CMTM4: variants seen among roughly 807,000 people sequenced by gnomAD.
The protein encoded by CMTM4 is CKLF like MARVEL transmembrane domain containing 4, also known as CKLF-like MARVEL transmembrane domain-containing protein 4.
CMTM4 carries 8 observed loss-of-function variants against 19.0 expected under a neutral mutation model. The ratio of observed to expected loss-of-function variants is 0.42; its 90% CI spans 0.25 to 0.76. The LOEUF (loss-of-function observed/expected upper bound fraction) is 0.76. Among genes scored for constraint, CMTM4 ranks in the 30% least tolerant of loss-of-function variants. The pLI is 0.27. For missense variants in CMTM4, 228 were observed against 290.2 expected (o/e 0.79, Z 1.56); for synonymous variants, 106 against 121.1 (o/e 0.88, Z 0.82).
intron 1 of CMTM4, among the ~76,000 whole-genome samples, chr16:66,659,190 G>A (rs1206331589): frequency 6.6e-6 from 1 of 151,956 alleles, no homozygotes; most frequent in Non-Finnish European, 1.5e-5. Flanking sequence ...GACCAGCCTG[G>A]CCAATATTGC....
chr16:66,619,146 T>A lies in CMTM4; in HGVS notation c.*2912A>T, dbSNP rs2144774589. On this transcript the variant is annotated 3_prime_UTR_variant, in exon 4 of 4. Transcript: ENST00000394106. Reference sequence around the variant, plus strand: ...TATCTCCAGCCTTTCATGACTGTAATCCCTCTTTAAGGCAGGGAAAACATA... The same window carrying A: ...TATCTCCAGCCTTTCATGACTGTAAACCCTCTTTAAGGCAGGGAAAACATA... 1 of 985,464 alleles carries A rather than the reference T, an allele frequency of 1.0e-6. No homozygotes were observed. The highest frequency in any genetic ancestry group is 1.1e-4 in the East Asian group (1 of 8,822). The allele number at this position is 985,464 out of a possible 1,614,324, so 61.0% of individuals were successfully genotyped here. A position where few individuals can be genotyped will look rare whatever the true frequency, so the allele number is the denominator to read the frequency against.
At chr16:66,598,972 A>G in the CMTM4 span, among the ~76,000 whole-genome samples, 1 of 151,980 alleles carries the variant, frequency 6.6e-6, no homozygotes, top group Non-Finnish European at 1.5e-5. Flanking sequence ...CCATCTCTAA[A>G]TTAAAAATTA....
At chr16:66,624,107 C>T (rs1279503549) in intron 2 of CMTM4, among the ~76,000 whole-genome samples, 2 of 152,216 alleles carry the variant, frequency 1.3e-5, no homozygotes, top group Non-Finnish European at 2.9e-5. Context: ...AAGGTCACAG[C>T]TTGACCAGGG....
At chr16:66,651,699 C>CGA (rs2016313906) in intron 1 of CMTM4, among the ~76,000 whole-genome samples, 1 of 152,226 alleles carries the variant, frequency 6.6e-6, no homozygotes, top group African/African-American at 2.4e-5. Flanking sequence ...TGCTGAGACT[C>CGA]TGACAAAGCC....
intron 1 of CMTM4, among the ~76,000 whole-genome samples, chr16:66,646,986 C>A (rs1011861474): frequency 4.6e-5 from 7 of 151,342 alleles, no homozygotes; most frequent in African/African-American, 1.7e-4. Context: ...GGATTACAGG[C>A]GTGACCCACC....
At chr16:66,634,103 A>G (rs2015939883) in intron 2 of CMTM4, among the ~76,000 whole-genome samples, 1 of 152,170 alleles carries the variant, frequency 6.6e-6, no homozygotes, top group Admixed American at 6.5e-5. Context: ...AAAATCTTTC[A>G]TGATTAAAAT....
intron 1 of CMTM4, among the ~76,000 whole-genome samples, chr16:66,656,324 T>C (rs1357664893): frequency 6.6e-6 from 1 of 152,132 alleles, no homozygotes; most frequent in Non-Finnish European, 1.5e-5. Context: ...GAGTCATCAA[T>C]GGACATTAAA....
chr16:66,621,880 C>A lies in CMTM4; in HGVS notation c.*178G>T. 3.5e-6 allele frequency: 5 copies of A among 1,424,398 alleles called. No homozygotes were observed. The highest frequency in any genetic ancestry group is 4.6e-6 in the Non-Finnish European group (5 of 1,092,258). 88.2% of individuals were successfully genotyped at this position (1,424,398 alleles called of 1,614,324 possible). ...CCCAAACGCTGAGGAACGTGGGCCT[C>A]CCAACTCCACCGCGGACCCGCCCAC... On this transcript the variant is annotated 3_prime_UTR_variant, in exon 4 of 4. Coordinates refer to ENST00000394106, the MANE Select transcript of CMTM4 (RefSeq NM_181521.3).
At chr16:66,670,258 C>A (rs541474484) in intron 1 of CMTM4, among the ~76,000 whole-genome samples, 1 of 150,474 alleles carries the variant, frequency 6.6e-6, no homozygotes, top group East Asian at 2.0e-4. Context: ...ACCAGCCTGG[C>A]CAACATGGTG....
chr16:66,675,403 T>A (rs769143422), intron 1 of CMTM4, among the ~76,000 whole-genome samples: 5 of 151,326 alleles, frequency 3.3e-5, no homozygotes, highest in Non-Finnish European at 7.4e-5. Context: ...TAACAAAAAT[T>A]TTTTCCTTTA....
chr16:66,645,268 G>C (rs2016171278), intron 1 of CMTM4, among the ~76,000 whole-genome samples: 2 of 149,064 alleles, frequency 1.3e-5, no homozygotes, highest in Admixed American at 1.3e-4. Context: ...TGGGCAACAA[G>C]AGCAAAACTC....
At chr16:66,638,004 T>C (rs2016028757) in intron 1 of CMTM4, among the ~76,000 whole-genome samples, 1 of 152,210 alleles carries the variant, frequency 6.6e-6, no homozygotes, top group African/African-American at 2.4e-5. Flanking sequence ...CACGGGCTGT[T>C]CTGGGGCCTT....
In CMTM4 at chr16:66,614,754, T is replaced by TAC. The variant is rs1450114967; in HGVS notation, c.*7302_*7303dup. The TAC allele has an allele frequency of 6.6e-6, 1 of 152,222 alleles. No individual in the cohort carries two copies. Among genetic ancestry groups the TAC allele is most frequent in the Non-Finnish European group, 1.5e-5 (1 of 68,042 alleles). 9.4% of individuals were successfully genotyped at this position (152,222 alleles called of 1,614,324 possible). On this transcript the variant is annotated 3_prime_UTR_variant, in exon 4 of 4. Transcript: ENST00000394106. This position sits in a 1 kb window ranked among gnomAD's most constrained non-coding sequence, Gnocchi z 4.9. ...GAGTGAGGAGAGACAACGACATCCT[T>TAC]ACACGTCCATTTATTAAACAAGTTC...
rs1596898024 is a variant in CMTM4, at chr16:66,619,029, C to T, written c.*3029G>A. On this transcript the variant is annotated 3_prime_UTR_variant, in exon 4 of 4. Transcript: ENST00000394106. Reference sequence around the variant, plus strand: ...TTCTGTAGACAAAAGTCACCTCCCTCGGATGGCTGTTTACTTCAAATCAAA... The same window carrying T: ...TTCTGTAGACAAAAGTCACCTCCCTTGGATGGCTGTTTACTTCAAATCAAA... The T allele has an allele frequency of 2.0e-6, 2 of 985,478 alleles. No homozygotes were observed. Among genetic ancestry groups the T allele is most frequent in the Non-Finnish European group, 2.4e-6 (2 of 829,930 alleles). 61.0% of individuals were successfully genotyped at this position (985,478 alleles called of 1,614,324 possible).
chr16:66,665,497 C>T (rs1419343006), intron 1 of CMTM4, among the ~76,000 whole-genome samples: 4 of 152,118 alleles, frequency 2.6e-5, no homozygotes, highest in African/African-American at 4.8e-5. Context: ...GTAATCCCAA[C>T]ACTTTGGGAG....
At chr16:66,655,477 C>G (rs181817982) in intron 1 of CMTM4, among the ~76,000 whole-genome samples, 151 of 151,706 alleles carry the variant, frequency 1.0e-3, no homozygotes, top group Admixed American at 3.4e-3. Flanking sequence ...ACTAAAGGAA[C>G]AGGGATTTCT....
chr16:66,601,698 C>T, the CMTM4 span, among the ~76,000 whole-genome samples: 3 of 152,342 alleles, frequency 2.0e-5, no homozygotes, highest in South Asian at 6.2e-4. Flanking sequence ...CAGGCTTGCC[C>T]CAACTTTGCT....
chr16:66,627,087 C>T (rs1445369456), intron 2 of CMTM4, among the ~76,000 whole-genome samples: 1 of 151,924 alleles, frequency 6.6e-6, no homozygotes, highest in African/African-American at 2.4e-5. Flanking sequence ...TGGGGGACAG[C>T]GTGAGACTCT....
chr16:66,604,617 C>A, the CMTM4 span: 1 of 359,252 alleles, frequency 2.8e-6, no homozygotes, highest in Non-Finnish European at 4.3e-6. Flanking sequence ...TCCCCCGCAG[C>A]CGGGGTCCGA....
Sources: gnomAD v4.1 joint callset for allele counts (sites outside exome capture counted in the v4.1 genomes callset) on GRCh38, gnomAD v4.1.1 for gene constraint, Gnocchi (gnomAD v3.1) non-coding constraint, MANE v1.5 for transcripts, NCBI Gene and HGNC (gene_info 2026-07-23, HGNC 2026-07-21) for gene names.